DMD: variants seen among roughly 807,000 people sequenced by gnomAD.
DMD encodes the protein dystrophin.
DMD carries 63 observed loss-of-function variants against 330.1 expected under a neutral mutation model. The ratio of observed to expected loss-of-function variants is 0.19; its 90% CI spans 0.16 to 0.24. The LOEUF (loss-of-function observed/expected upper bound fraction) is 0.24, where lower values mean the gene tolerates loss of function less well. Among genes scored for constraint, DMD ranks in the 10% least tolerant of loss-of-function variants. The pLI is 1.00. For synonymous variants in DMD, 1,223 were observed against 959.8 expected, an observed-to-expected ratio of 1.27 and a Z score of -5.07; for missense variants, 3,344 against 2,684.1, an observed-to-expected ratio of 1.25 and a Z score of -5.43.
intron 78 of DMD, among the ~76,000 whole-genome samples, chrX:31,123,964 T>G (rs763596245): frequency 1.8e-5 from 2 of 112,186 alleles, no homozygotes; most frequent in Non-Finnish European, 3.8e-5. Context: ...ATGGATTATA[T>G]AGCCAAGTGG....
intron 61 of DMD, among the ~76,000 whole-genome samples, chrX:31,345,362 A>T (rs2058028854): frequency 9.0e-6 from 1 of 111,696 alleles, no homozygotes; most frequent in Non-Finnish European, 1.9e-5. Context: ...CCGATGTTCT[A>T]CCACCTCAGG....
chrX:31,530,626 G>A (rs1271585465), intron 55 of DMD, among the ~76,000 whole-genome samples: 2 of 95,591 alleles, frequency 2.1e-5, no homozygotes, highest in Non-Finnish European at 4.1e-5. Flanking sequence ...TATATACCTA[G>A]ATAATAGAGC....
chrX:32,546,572 T>C (rs2048984164), intron 16 of DMD, among the ~76,000 whole-genome samples: 1 of 111,615 alleles, frequency 9.0e-6, no homozygotes, highest in African/African-American at 3.2e-5. Context: ...TTCCATGATG[T>C]CTTAAGTAAA....
chrX:32,126,849 G>C (rs2096664120), intron 44 of DMD, among the ~76,000 whole-genome samples: 1 of 111,743 alleles, frequency 8.9e-6, no homozygotes, highest in Non-Finnish European at 1.9e-5. Flanking sequence ...CAGGACAGTA[G>C]ACACGTTTTA....
At chrX:31,658,774 T>C (rs2080941355) in intron 53 of DMD, among the ~76,000 whole-genome samples, 1 of 112,523 alleles carries the variant, frequency 8.9e-6, no homozygotes, top group Admixed American at 9.4e-5. Context: ...ATTCAGTGTT[T>C]TCAAACTTGC....
At chrX:32,399,517 A>T (rs1444821648) in intron 30 of DMD, among the ~76,000 whole-genome samples, 1 of 111,829 alleles carries the variant, frequency 8.9e-6, no homozygotes, top group African/African-American at 3.2e-5. Context: ...ATAGTAAATC[A>T]AAACCACAGT....
intron 1 of DMD, among the ~76,000 whole-genome samples, chrX:33,199,213 T>C (rs2051128330): frequency 9.0e-6 from 1 of 111,389 alleles, no homozygotes; most frequent in African/African-American, 3.3e-5. Context: ...CGAAAGAGAA[T>C]GCAGAGAAAC....
chrX:31,404,185 G>A lies in DMD; in HGVS notation c.9084+40296C>T, dbSNP rs917995410. ...TCGAGGGTATGAAAATCTCAGGGTC[G>A]TATGCCCAAACACCAATGCGATATA... On this transcript the variant is annotated intron_variant, in intron 60 of 78. Transcript: ENST00000357033. Among the ~76,000 whole-genome samples, 5 of 110,957 alleles carry A rather than the reference G, an allele frequency of 4.5e-5. No individual in the cohort carries two copies. In the East Asian group the frequency reaches 8.4e-4, roughly 19 times the overall value.
At chrX:32,339,572 C>T (rs2097731451) in intron 41 of DMD, among the ~76,000 whole-genome samples, 1 of 111,553 alleles carries the variant, frequency 9.0e-6, no homozygotes, top group South Asian at 3.8e-4. Flanking sequence ...TGATTGTTCC[C>T]TCAAAGTCTC....
At chrX:31,456,836 A>ATATGTGTG (rs1439070482) in intron 59 of DMD, among the ~76,000 whole-genome samples, 1 of 83,263 alleles carries the variant, frequency 1.2e-5, no homozygotes, top group African/African-American at 4.7e-5. Flanking sequence ...GCCCACATAT[A>ATATGTGTG]TGTGTGTGTG....
At chrX:31,806,384 A>G (rs1307558509) in intron 50 of DMD, among the ~76,000 whole-genome samples, 1 of 112,306 alleles carries the variant, frequency 8.9e-6, no homozygotes, top group Non-Finnish European at 1.9e-5. Flanking sequence ...CCTCTTATTC[A>G]GTTTCCTCAA....
Position 32,595,853 on chromosome X carries a change from T to C in DMD, c.1506A>G (p.Gln502=), listed in dbSNP as rs2149265060. ...TGAGAGAATTGACCCTGACTTGTTC[T>C]TGTTCTAGATCTTCTTGAAGCACCT... The part of the protein sequence containing the change: ...QHKVLQEDLE[Q]EQVRVNSLTH... Residue 502 remains glutamine (Q), a synonymous_variant, in exon 13 of 79, where the codon CAA becomes CAG. Coordinates refer to ENST00000357033, the MANE Select transcript of DMD (RefSeq NM_004006.3). 4 of 1,199,715 alleles carry C rather than the reference T, an allele frequency of 3.3e-6. No individual in the cohort carries two copies. Among genetic ancestry groups the C allele is most frequent in the Non-Finnish European group, 4.5e-6 (4 of 884,506 alleles).
chrX:32,893,604 T>C (rs1406630081), intron 2 of DMD, among the ~76,000 whole-genome samples: 1 of 112,053 alleles, frequency 8.9e-6, no homozygotes, highest in Non-Finnish European at 1.9e-5. Flanking sequence ...GTGGGGTTAT[T>C]AAGCAAAGTA....
chrX:33,010,127 T>C (rs1250126336), intron 2 of DMD, among the ~76,000 whole-genome samples: 1 of 104,225 alleles, frequency 9.6e-6, no homozygotes, highest in Non-Finnish European at 2.0e-5. Flanking sequence ...CATGTGTGTA[T>C]ATATGTATAT....
chrX:32,316,781 A>G (rs1032839058), intron 41 of DMD, among the ~76,000 whole-genome samples: 3 of 111,095 alleles, frequency 2.7e-5, no homozygotes, highest in Admixed American at 9.7e-5. Flanking sequence ...GAATCAAAAG[A>G]GAACCAGACA....
intron 7 of DMD, among the ~76,000 whole-genome samples, chrX:32,783,404 C>G (rs935858098): frequency 9.7e-6 from 1 of 103,111 alleles, no homozygotes; most frequent in Admixed American, 1.1e-4. Flanking sequence ...TACACACACA[C>G]CCCTAGTATG....
chrX:32,777,903 G>A (rs145920761), intron 7 of DMD, among the ~76,000 whole-genome samples: 75 of 112,195 alleles, frequency 6.7e-4, no homozygotes, highest in African/African-American at 2.2e-3. Context: ...AGCAGTGTGC[G>A]CACGTCCATG....
At chrX:32,649,056 T>C (rs1342874245) in intron 9 of DMD, among the ~76,000 whole-genome samples, 2 of 111,077 alleles carry the variant, frequency 1.8e-5, no homozygotes, top group Admixed American at 9.6e-5. Flanking sequence ...CTTCAGTACA[T>C]TGGGCAAATA....
intron 9 of DMD, among the ~76,000 whole-genome samples, chrX:32,679,422 T>A (rs2062208952): frequency 9.0e-6 from 1 of 111,382 alleles, no homozygotes; most frequent in Admixed American, 9.6e-5. Flanking sequence ...GTAAAGAACA[T>A]TTACTGAATG....
Sources: gnomAD v4.1 joint callset for allele counts (sites outside exome capture counted in the v4.1 genomes callset) on GRCh38, gnomAD v4.1.1 for gene constraint, MANE v1.5 for transcripts, NCBI Gene and HGNC (gene_info 2026-07-23, HGNC 2026-07-21) for gene names.